The following TMEM131L variants were observed in gnomAD, a reference collection of about 807,000 sequenced individuals.
The protein encoded by TMEM131L is transmembrane 131 like.
A neutral mutation model predicts 192.2 loss-of-function variants in TMEM131L; 54 were observed. The observed-to-expected ratio is 0.28, with a 90% CI of 0.23 to 0.35. The LOEUF (loss-of-function observed/expected upper bound fraction) is 0.35. TMEM131L is among the 10% of genes least tolerant of loss of function. The pLI is 1.00. For synonymous variants in TMEM131L, 701 were observed against 704.9 expected, an observed-to-expected ratio of 0.99 and a Z score of 0.09; for missense variants, 1,888 against 1,972.9, an observed-to-expected ratio of 0.96 and a Z score of 0.82.
intron 7 of TMEM131L, among the ~76,000 whole-genome samples, chr4:153,579,182 G>A (rs1286484144): frequency 6.6e-6 from 1 of 151,920 alleles, no homozygotes; most frequent in Non-Finnish European, 1.5e-5. Context: ...GAAATATGGT[G>A]AAGCTCCGTC....
rs1377754362 is a variant in TMEM131L at position 153,632,754 on chromosome 4, C to T, written c.4244C>T (p.Pro1415Leu). ...YSPGDLWPTP[P>L]VCVTSSLNCT... ...CCTGGAGACCTGTGGCCCACTCCGC[C>T]AGTGTGTGTGACAAGCAGCTTAAAC... The change falls in exon 32 of 35, where the codon CCA becomes CTA. Residue 1415 changes from proline (P) to leucine (L), a missense_variant. By Grantham distance (98) the Pro-to-Leu change is moderately conservative (BLOSUM62 -3). Coordinates refer to ENST00000409959, the MANE Select transcript of TMEM131L (RefSeq NM_001131007.2). The T allele has an allele frequency of 1.2e-6, 2 of 1,613,982 alleles. No homozygotes were observed. The highest frequency in any genetic ancestry group is 2.7e-5 in the African/African-American group (2 of 74,890).
intron 3 of TMEM131L, among the ~76,000 whole-genome samples, chr4:153,510,031 C>T (rs1010136340): frequency 3.3e-5 from 5 of 152,130 alleles, no homozygotes; most frequent in East Asian, 1.9e-4. Context: ...CCCATCTGAT[C>T]GAGTGAAAGT....
chr4:153,632,101 C>T (rs547164466), intron 31 of TMEM131L, among the ~76,000 whole-genome samples: 144 of 152,282 alleles, frequency 9.5e-4, no homozygotes, highest in Middle Eastern at 3.4e-3. Flanking sequence ...TCAGTTGAGG[C>T]CAGGAGTTTG....
At chr4:153,608,745 A>C (rs981302733) in intron 25 of TMEM131L, among the ~76,000 whole-genome samples, 3 of 152,266 alleles carry the variant, frequency 2.0e-5, no homozygotes, top group Admixed American at 6.5e-5. Flanking sequence ...TATTCAAAAC[A>C]GACCACGTGA....
intron 7 of TMEM131L, among the ~76,000 whole-genome samples, chr4:153,560,424 A>G (rs986838410): frequency 2.6e-5 from 4 of 152,204 alleles, no homozygotes; most frequent in Admixed American, 2.0e-4. Context: ...TTCAGAAGAT[A>G]CCCAAACTCT....
intron 3 of TMEM131L, among the ~76,000 whole-genome samples, chr4:153,542,523 A>G (rs1736865985): frequency 6.6e-6 from 1 of 152,184 alleles, no homozygotes; most frequent in African/African-American, 2.4e-5. Flanking sequence ...CAAGTTGTTT[A>G]AATCCCCAGA....
chr4:153,476,675 A>T (rs1430758489), intron 3 of TMEM131L, among the ~76,000 whole-genome samples: 1 of 152,102 alleles, frequency 6.6e-6, no homozygotes, highest in East Asian at 1.9e-4. Flanking sequence ...CCAGCCTGGG[A>T]GACAGATTCC....
At chr4:153,491,726 A>T (rs1008176202) in intron 3 of TMEM131L, among the ~76,000 whole-genome samples, 1 of 151,626 alleles carries the variant, frequency 6.6e-6, no homozygotes, top group African/African-American at 2.4e-5. Context: ...TCTGTTTTTG[A>T]GACAGTGTCT....
At chr4:153,491,682 T>C (rs901811279) in intron 3 of TMEM131L, among the ~76,000 whole-genome samples, 2 of 152,098 alleles carry the variant, frequency 1.3e-5, no homozygotes, top group East Asian at 3.8e-4. Flanking sequence ...TTTTTAGTAG[T>C]ACTTTTTTAG....
At chr4:153,477,158 A>G (rs1047513696) in intron 3 of TMEM131L, among the ~76,000 whole-genome samples, 1 of 151,820 alleles carries the variant, frequency 6.6e-6, no homozygotes, top group Non-Finnish European at 1.5e-5. Context: ...TCATGGAGAG[A>G]GAGCATCTAG....
intron 10 of TMEM131L, 42 bp downstream of exon 10, chr4:153,583,290 A>G (rs1345642935): frequency 3.0e-6 from 3 of 1,005,108 alleles, no homozygotes; most frequent in Non-Finnish European, 4.8e-6. Context: ...TAAAATTGCA[A>G]GTGTGCATTT....
In TMEM131L at chr4:153,602,145, C is replaced by T; in HGVS notation, c.2267-7C>T. 3 of 1,496,216 alleles carry T rather than the reference C, an allele frequency of 2.0e-6. No homozygotes were observed. The highest frequency in any genetic ancestry group is 1.8e-6 in the Non-Finnish European group (2 of 1,100,988). The allele number at this position is 1,496,216 out of a possible 1,614,324, so 92.7% of individuals were successfully genotyped here. The stretch of plus-strand genomic sequence containing the variant: ...TATACTAAATATCTTTTTTTGGTTC[C>T]CATTAGAACTGAAAGACAGTAAGCA... On this transcript the variant is annotated splice_polypyrimidine_tract_variant and splice_region_variant and intron_variant, in intron 21 of 34. Transcript: ENST00000409959.
chr4:153,475,709 G>A (rs911517200), intron 3 of TMEM131L, among the ~76,000 whole-genome samples: 2 of 152,086 alleles, frequency 1.3e-5, no homozygotes, highest in Admixed American at 6.6e-5. Context: ...TACTGAATAT[G>A]TACAGACTTT....
intron 3 of TMEM131L, among the ~76,000 whole-genome samples, chr4:153,534,122 C>T (rs1736127662): frequency 6.6e-6 from 1 of 152,166 alleles, no homozygotes; most frequent in South Asian, 2.1e-4. Context: ...AAATCAATGA[C>T]ACCGGTTTGG....
intron 25 of TMEM131L, among the ~76,000 whole-genome samples, chr4:153,608,541 C>T (rs574494686): frequency 6.6e-5 from 10 of 152,238 alleles, no homozygotes; most frequent in East Asian, 1.9e-4. Context: ...AATTATTTCA[C>T]GGGTTTCTAC....
intron 30 of TMEM131L, 40 bp downstream of exon 30, chr4:153,626,265 G>A (rs749710425): frequency 8.8e-6 from 11 of 1,248,626 alleles, no homozygotes; most frequent in Non-Finnish European, 1.3e-5. Context: ...TATGTTTTGT[G>A]TACTGCTTTT....
At chr4:153,599,399 G>C (rs1457730665) in intron 21 of TMEM131L, among the ~76,000 whole-genome samples, 2 of 152,084 alleles carry the variant, frequency 1.3e-5, no homozygotes, top group African/African-American at 4.8e-5. Context: ...TGAGGACGCA[G>C]ATCCAAACCA....
rs913371076 is a variant in TMEM131L at position 153,623,068 on chromosome 4, C to T, written c.4030C>T (p.His1344Tyr). 1 of 1,605,792 alleles carries T rather than the reference C, an allele frequency of 6.2e-7. No homozygotes were observed. Among genetic ancestry groups the T allele is most frequent in the Non-Finnish European group, 8.5e-7 (1 of 1,176,252 alleles). ...GDKKPMVDAQHFLPAGDSVSQ... is the reference protein window; with the variant it reads ...GDKKPMVDAQYFLPAGDSVSQ... ...TAAGAAGCCCATGGTGGACGCCCAG[C>T]ACTTCCTGCCGGCCGGTGAGTCCTG... Residue 1344 changes from histidine (H) to tyrosine (Y), a missense_variant, in exon 29 of 35, where the codon CAC becomes TAC. Physicochemically the swap from His to Tyr is moderately conservative, Grantham distance 83. Coordinates refer to ENST00000409959, the MANE Select transcript of TMEM131L (RefSeq NM_001131007.2).
At chr4:153,526,940 G>A (rs2150195106) in intron 3 of TMEM131L, among the ~76,000 whole-genome samples, 1 of 152,206 alleles carries the variant, frequency 6.6e-6, no homozygotes, top group Admixed American at 6.5e-5. Flanking sequence ...GGCCTTGAGA[G>A]AGGGCCTGCA....
Sources: gnomAD v4.1 joint callset for allele counts (sites outside exome capture counted in the v4.1 genomes callset) on GRCh38, gnomAD v4.1.1 for gene constraint, MANE v1.5 for transcripts, NCBI Gene and HGNC (gene_info 2026-07-23, HGNC 2026-07-21) for gene names.